The following FAM227B variants were observed in gnomAD, a reference collection of about 807,000 sequenced individuals.
FAM227B encodes protein FAM227B.
A neutral mutation model predicts 73.8 loss-of-function variants in FAM227B; 88 were observed. That is an observed-to-expected ratio of 1.19 (90% CI 1.00 to 1.42). The LOEUF is 1.42. FAM227B is among the 40% of genes most tolerant of loss of function. The probability of loss-of-function intolerance (pLI) is 0.00; values close to 1 mark genes in which losing one functional copy is unlikely to be tolerated. For missense variants in FAM227B, 632 were observed against 590.9 expected, an observed-to-expected ratio of 1.07 and a Z score of -0.72; for synonymous variants, 210 against 190.5, an observed-to-expected ratio of 1.10 and a Z score of -0.84.
intron 12 of FAM227B, among the ~76,000 whole-genome samples, chr15:49,368,064 C>G (rs578136465): frequency 4.0e-5 from 6 of 151,732 alleles, no homozygotes; most frequent in Non-Finnish European, 7.4e-5. Flanking sequence ...AGAAAAACCT[C>G]AAAAGCAAGA....
chr15:49,602,391 A>T (rs1032381960), intron 3 of FAM227B, among the ~76,000 whole-genome samples: 4 of 152,164 alleles, frequency 2.6e-5, no homozygotes, highest in Non-Finnish European at 5.9e-5. Flanking sequence ...TTCTCTGATG[A>T]TCAGTGATGT....
At chr15:49,563,897 C>T (rs2074443575) in intron 9 of FAM227B, among the ~76,000 whole-genome samples, 2 of 151,930 alleles carry the variant, frequency 1.3e-5, no homozygotes, top group African/African-American at 2.4e-5. Flanking sequence ...AGAAGAAAAC[C>T]TAGGAAGTAC....
At chr15:49,353,570 TTA>T (rs2042567665) in intron 13 of FAM227B, 1 of 152,100 alleles carries the variant, frequency 6.6e-6, no homozygotes, top group Admixed American at 6.5e-5. Context: ...ACAGATAATT[TTA>T]TGACATTGAC....
chr15:49,466,041 T>C (rs780812374), intron 11 of FAM227B, among the ~76,000 whole-genome samples: 4 of 152,012 alleles, frequency 2.6e-5, no homozygotes, highest in Non-Finnish European at 4.4e-5. Context: ...AAGAGAACAA[T>C]AGAGGTGGGT....
chr15:49,555,301 C>G (rs2073537052), intron 9 of FAM227B, among the ~76,000 whole-genome samples: 1 of 152,188 alleles, frequency 6.6e-6, no homozygotes, highest in Non-Finnish European at 1.5e-5. Flanking sequence ...GCTTATTTCT[C>G]TTTCACTTAT....
intron 14 of FAM227B, 21 bp downstream of exon 14, chr15:49,335,398 A>T: frequency 3.3e-6 from 5 of 1,503,084 alleles, no homozygotes; most frequent in Non-Finnish European, 3.7e-6. Context: ...TATATTTAAC[A>T]ATAGTATAGC....
At chr15:49,360,730 A>C (rs971977202) in intron 13 of FAM227B, among the ~76,000 whole-genome samples, 8 of 152,192 alleles carry the variant, frequency 5.3e-5, no homozygotes, top group African/African-American at 1.9e-4. Context: ...GTTTTTAATA[A>C]AACTCCAAAG....
intron 9 of FAM227B, among the ~76,000 whole-genome samples, chr15:49,563,479 T>C (rs2074413226): frequency 6.6e-6 from 1 of 152,102 alleles, no homozygotes; most frequent in Admixed American, 6.5e-5. Context: ...TTCACAGAAG[T>C]AGAAAAATCT....
At chr15:49,393,343 A>C (rs1290261967) in intron 11 of FAM227B, among the ~76,000 whole-genome samples, 1 of 152,172 alleles carries the variant, frequency 6.6e-6, no homozygotes, top group African/African-American at 2.4e-5. Context: ...AATGGGAAAA[A>C]TGCTAGCAGA....
At position 49,575,049 on chromosome 15, in the gene FAM227B, G is replaced by A. The variant is rs2075362848; in HGVS notation, c.607C>T (p.His203Tyr). The stretch of plus-strand genomic sequence containing the variant: ...AGAAACCACCACCAAAAGGAGTCAT[G>A]CAAAAGAGCAATGGAGGCTTCTGAG... ...FLSEASIALL[H>Y]DSFWWWFLHK... is the part of the protein sequence containing the mutation. The change falls in exon 8 of 16, where the codon CAT (histidine) becomes TAT (tyrosine). Residue 203 changes from histidine (H) to tyrosine (Y), a missense_variant. His to Tyr is a moderately conservative substitution (Grantham distance 83). Coordinates refer to ENST00000299338, the MANE Select transcript of FAM227B (RefSeq NM_152647.3). The A allele has an allele frequency of 6.2e-7, 1 of 1,600,770 alleles. No individual in the cohort carries two copies. The highest frequency in any genetic ancestry group is 2.3e-5 in the East Asian group (1 of 44,216).
chr15:49,444,354 G>A (rs1170219547), intron 11 of FAM227B, among the ~76,000 whole-genome samples: 4 of 151,506 alleles, frequency 2.6e-5, no homozygotes, highest in East Asian at 1.9e-4. Context: ...GAAAATGCAC[G>A]GAACCAAAGT....
At chr15:49,512,563 A>T (rs1191881882) in intron 10 of FAM227B, among the ~76,000 whole-genome samples, 1 of 152,050 alleles carries the variant, frequency 6.6e-6, no homozygotes, top group African/African-American at 2.4e-5. Flanking sequence ...GTGCCTATTC[A>T]AATATTTATT....
intron 11 of FAM227B, among the ~76,000 whole-genome samples, chr15:49,377,493 A>T (rs1269110324): frequency 1.3e-5 from 2 of 152,124 alleles, no homozygotes; most frequent in Non-Finnish European, 2.9e-5. Context: ...ACAGTGTATG[A>T]GGGTTCCCTT....
intron 10 of FAM227B, among the ~76,000 whole-genome samples, chr15:49,533,024 C>CA (rs1420332868): frequency 1.3e-5 from 2 of 151,904 alleles, no homozygotes; most frequent in African/African-American, 2.4e-5. Flanking sequence ...GTGTCCCCCC[C>CA]ACACTGCTCC....
intron 11 of FAM227B, among the ~76,000 whole-genome samples, chr15:49,498,211 C>G (rs2057795761): frequency 6.6e-6 from 1 of 152,160 alleles, no homozygotes; most frequent in African/African-American, 2.4e-5. Context: ...GTTATGAGTT[C>G]AGACTCTGTG....
intron 10 of FAM227B, among the ~76,000 whole-genome samples, chr15:49,516,830 G>T (rs1359071253): frequency 6.6e-6 from 1 of 152,046 alleles, no homozygotes; most frequent in Non-Finnish European, 1.5e-5. Flanking sequence ...CCATAAAATA[G>T]GGTGATTATA....
At chr15:49,471,249 G>C (rs748395827) in intron 11 of FAM227B, among the ~76,000 whole-genome samples, 1 of 69,682 alleles carries the variant, frequency 1.4e-5, no homozygotes, top group African/African-American at 3.8e-5. Context: ...ACTTTGGGAG[G>C]CCGAGGTGGG....
At chr15:49,517,854 T>C (rs1170058534) in intron 10 of FAM227B, among the ~76,000 whole-genome samples, 2 of 152,210 alleles carry the variant, frequency 1.3e-5, no homozygotes, top group African/African-American at 4.8e-5. Flanking sequence ...GTTTTATAGA[T>C]GTTGACCTTT....
intron 11 of FAM227B, among the ~76,000 whole-genome samples, chr15:49,472,172 A>C (rs1255704321): frequency 1.8e-4 from 27 of 152,194 alleles, no homozygotes; most frequent in Admixed American, 1.7e-3. Flanking sequence ...TTTGAAGTAA[A>C]GTGAAATTGG....
Sources: gnomAD v4.1 joint callset for allele counts (sites outside exome capture counted in the v4.1 genomes callset) on GRCh38, gnomAD v4.1.1 for gene constraint, MANE v1.5 for transcripts, NCBI Gene and HGNC (gene_info 2026-07-23, HGNC 2026-07-21) for gene names.